The following KANK4 variants were observed in gnomAD, a reference collection of about 807,000 sequenced individuals.
KANK4 encodes the protein KN motif and ankyrin repeat domain-containing protein 4.
In KANK4, 50 loss-of-function variants were observed where a neutral mutation model predicts 80.8. The observed-to-expected ratio is 0.62, with a 90% CI of 0.49 to 0.78. KANK4 has a LOEUF of 0.78. Among genes scored for constraint, KANK4 ranks in the 30% least tolerant of loss-of-function variants. The pLI is 0.00. For synonymous variants in KANK4, 465 were observed against 506.9 expected (o/e 0.92, Z 1.11); for missense variants, 1,196 against 1,240.1 (o/e 0.96, Z 0.53).
intron 9 of KANK4, among the ~76,000 whole-genome samples, chr1:62,243,190 C>T (rs560004277): frequency 6.6e-6 from 1 of 152,272 alleles, no homozygotes; most frequent in Admixed American, 6.5e-5. Flanking sequence ...TACAGCCTAC[C>T]CGAACTCCAG....
chr1:62,244,188 GTTTA>G (rs1671412291), intron 9 of KANK4, among the ~76,000 whole-genome samples: 1 of 150,162 alleles, frequency 6.7e-6, no homozygotes, highest in South Asian at 2.1e-4. Context: ...ACTCATGAGT[GTTTA>G]TTTTTTATTT....
chr1:62,313,095 G>A (rs1027359547), intron 1 of KANK4, among the ~76,000 whole-genome samples: 5 of 152,142 alleles, frequency 3.3e-5, no homozygotes, highest in Non-Finnish European at 4.4e-5. Flanking sequence ...TATTCACATA[G>A]TTTTTGTTAC....
At chr1:62,263,640 C>A (rs1393679687) in intron 6 of KANK4, among the ~76,000 whole-genome samples, 2 of 152,140 alleles carry the variant, frequency 1.3e-5, no homozygotes, top group African/African-American at 4.8e-5. Context: ...CCCTGGTATG[C>A]GCACAATTAC....
chr1:62,250,295 G>C (rs1418803745), intron 8 of KANK4, among the ~76,000 whole-genome samples: 2 of 152,198 alleles, frequency 1.3e-5, no homozygotes, highest in African/African-American at 4.8e-5. Context: ...GCCCCCAGCT[G>C]TTATTAAAGC....
chr1:62,249,208 G>A (rs939951391), intron 8 of KANK4, among the ~76,000 whole-genome samples: 4 of 150,990 alleles, frequency 2.6e-5, no homozygotes, highest in East Asian at 3.9e-4. Flanking sequence ...TGTGTACCTC[G>A]CAGGGCTTTT....
At chr1:62,311,558 C>T (rs1020230048) in intron 1 of KANK4, among the ~76,000 whole-genome samples, 3 of 152,190 alleles carry the variant, frequency 2.0e-5, no homozygotes, top group Non-Finnish European at 4.4e-5. Flanking sequence ...CACTTCAAAG[C>T]TACTTCTTCA....
intron 8 of KANK4, among the ~76,000 whole-genome samples, chr1:62,252,502 C>T (rs1268105964): frequency 1.3e-5 from 2 of 152,254 alleles, no homozygotes; most frequent in Non-Finnish European, 2.9e-5. Context: ...TAATAAGCCT[C>T]TGAGCTAAGC....
intron 1 of KANK4, among the ~76,000 whole-genome samples, chr1:62,313,004 C>T (rs3915909): frequency 0.2 from 30,748 of 152,004 alleles, 3,615 homozygotes; most frequent in Middle Eastern, 0.32. Context: ...TCTGCAGTTT[C>T]GCTTTCTGAA....
chr1:62,242,289 G>A (rs1226794520), intron 9 of KANK4, among the ~76,000 whole-genome samples: 2 of 144,934 alleles, frequency 1.4e-5, no homozygotes, highest in Non-Finnish European at 3.0e-5. Flanking sequence ...TTGAGCCCAG[G>A]AGGTCAAGGT....
intron 1 of KANK4, among the ~76,000 whole-genome samples, chr1:62,315,570 G>A (rs1644532297): frequency 6.6e-6 from 1 of 152,086 alleles, no homozygotes; most frequent in Non-Finnish European, 1.5e-5. Flanking sequence ...TCCAGAAATT[G>A]GCAAGAAAGG....
Position 62,238,353 on chromosome 1 carries a change from A to C in KANK4, c.2912T>G (p.Leu971Arg). 1.2e-6 allele frequency: 2 copies of C among 1,614,102 alleles called. No individual in the cohort carries two copies. The highest frequency in any genetic ancestry group is 1.7e-6 in the Non-Finnish European group (2 of 1,180,030). ...KAGRTALSIA[L>R]KSPTHMEIAG... Reference sequence around the variant, plus strand: ...AATTTCCATATGGGTGGGTGACTTCAGAGCGATGGACAAAGCTGTGCGGCC... The same window carrying C: ...AATTTCCATATGGGTGGGTGACTTCCGAGCGATGGACAAAGCTGTGCGGCC... The change falls in exon 10 of 10, where the codon CTG becomes CGG. Residue 971 changes from leucine to arginine, a missense_variant. Leu to Arg is a moderately radical substitution (Grantham distance 102). Coordinates refer to ENST00000371153, the MANE Select transcript of KANK4 (RefSeq NM_181712.5).
At chr1:62,257,291 T>C (rs1267257690) in intron 7 of KANK4, among the ~76,000 whole-genome samples, 1 of 152,196 alleles carries the variant, frequency 6.6e-6, no homozygotes, top group African/African-American at 2.4e-5. Context: ...TTTCGCCATG[T>C]TGGCCAGGAT....
At chr1:62,261,398 G>A (rs1398975282) in intron 7 of KANK4, among the ~76,000 whole-genome samples, 2 of 151,848 alleles carry the variant, frequency 1.3e-5, no homozygotes, top group Non-Finnish European at 2.9e-5. Flanking sequence ...GACCTCAAAT[G>A]ATCCACCCGC....
chr1:62,241,996 G>A (rs1410712953), intron 9 of KANK4, among the ~76,000 whole-genome samples: 3 of 152,168 alleles, frequency 2.0e-5, no homozygotes. Context: ...GGTGTGGCCA[G>A]AGAGACCACT....
chr1:62,247,418 G>T (rs1671492487), intron 9 of KANK4, 54 bp downstream of exon 9: 3 of 1,544,766 alleles, frequency 1.9e-6, no homozygotes, highest in Non-Finnish European at 8.9e-7. Context: ...GGGGTTACAG[G>T]TATGAGCCAC....
chr1:62,270,678 C>T (rs1270046779), intron 4 of KANK4, among the ~76,000 whole-genome samples: 3 of 152,112 alleles, frequency 2.0e-5, no homozygotes, highest in African/African-American at 7.2e-5. Flanking sequence ...GCCACAGCGA[C>T]TGGCCCCAGT....
At chr1:62,292,634 C>T (rs928106774) in intron 1 of KANK4, among the ~76,000 whole-genome samples, 2 of 152,170 alleles carry the variant, frequency 1.3e-5, no homozygotes, top group African/African-American at 2.4e-5. Flanking sequence ...AAAAGCCTTC[C>T]TCCAATTGAG....
intron 1 of KANK4, among the ~76,000 whole-genome samples, chr1:62,296,132 G>A (rs942421351): frequency 2.6e-5 from 4 of 152,184 alleles, no homozygotes; most frequent in Non-Finnish European, 4.4e-5. Flanking sequence ...CCTTCACTGC[G>A]GTCTCTAGAG....
intron 9 of KANK4, among the ~76,000 whole-genome samples, chr1:62,242,528 A>C (rs1671369779): frequency 6.6e-6 from 1 of 152,114 alleles, no homozygotes; most frequent in Non-Finnish European, 1.5e-5. Flanking sequence ...TCTGCCTTCA[A>C]GAAGTTTTCA....
Sources: allele counts gnomAD v4.1 joint callset (sites outside exome capture counted in the v4.1 genomes callset), GRCh38; gene constraint gnomAD v4.1.1; transcripts MANE v1.5; gene names NCBI Gene and HGNC (gene_info 2026-07-23, HGNC 2026-07-21).